The following CFAP77 variants were observed in gnomAD, a reference collection of about 807,000 sequenced individuals.
CFAP77 encodes cilia- and flagella-associated protein 77.
CFAP77 carries 25 observed loss-of-function variants against 31.1 expected under a neutral mutation model. The observed-to-expected ratio is 0.80, with a 90% confidence interval of 0.59 to 1.12. The LOEUF is 1.12. Ranked by LOEUF, CFAP77 falls within the 50% of genes most tolerant of loss-of-function variation. CFAP77 has a pLI of 0.00. For missense variants in CFAP77, 377 were observed against 397.3 expected (o/e 0.95, Z 0.44); for synonymous variants, 151 against 159.9 (o/e 0.94, Z 0.42).
chr9:132,470,203 C>T (rs555402517), intron 1 of CFAP77, among the ~76,000 whole-genome samples: 9 of 152,266 alleles, frequency 5.9e-5, no homozygotes, highest in East Asian at 1.9e-4. Flanking sequence ...CAATGACAGT[C>T]GCAACAGTCA....
At chr9:132,462,559 C>G (rs954670958) in intron 1 of CFAP77, among the ~76,000 whole-genome samples, 1 of 152,144 alleles carries the variant, frequency 6.6e-6, no homozygotes, top group Non-Finnish European at 1.5e-5. Context: ...ACTGCAAGAA[C>G]ACGTTTGTCT....
At chr9:132,451,526 T>C (rs1850827347) in intron 1 of CFAP77, among the ~76,000 whole-genome samples, 1 of 152,082 alleles carries the variant, frequency 6.6e-6, no homozygotes, top group South Asian at 2.1e-4. Flanking sequence ...TGTGTCTGTG[T>C]GTACAGGAGT....
intron 3 of CFAP77, among the ~76,000 whole-genome samples, chr9:132,516,267 G>A (rs1852144637): frequency 6.6e-6 from 1 of 152,228 alleles, no homozygotes; most frequent in Admixed American, 6.5e-5. Context: ...AAGCATGTCT[G>A]CAGGCCAGAC....
intron 1 of CFAP77, among the ~76,000 whole-genome samples, chr9:132,452,145 T>C (rs1016894581): frequency 6.6e-6 from 1 of 152,154 alleles, no homozygotes; most frequent in Non-Finnish European, 1.5e-5. Context: ...CGCTCCCCCA[T>C]TGCGAGCCCA....
At chr9:132,462,852 T>A (rs1851080969) in intron 1 of CFAP77, among the ~76,000 whole-genome samples, 1 of 152,196 alleles carries the variant, frequency 6.6e-6, no homozygotes, top group Non-Finnish European at 1.5e-5. Context: ...AACACGTTTG[T>A]ATATACATGC....
In CFAP77 at chr9:132,438,517, TG is replaced by T. The variant is rs1453378773; in HGVS notation, c.195+28053del. 3.6e-4 allele frequency among the ~76,000 whole-genome samples: 44 copies of T among 123,110 alleles called. 1 individual carries two copies. Among genetic ancestry groups the T allele is most frequent in the African/African-American group, 1.4e-3 (41 of 30,204 alleles). The allele number at this position is 123,110 out of a possible 152,430, so 80.8% of individuals were successfully genotyped here. A position where few individuals can be genotyped will look rare whatever the true frequency, so the allele number is the denominator to read the frequency against. ...TCTCCTTTATTTGGGGGAACAGATATGGTATATATATATATATATATATATT... is the reference window on the plus strand; with the variant it reads ...TCTCCTTTATTTGGGGGAACAGATATGTATATATATATATATATATATATT... On this transcript the variant is annotated intron_variant, in intron 1 of 5. Coordinates refer to ENST00000393216, the MANE Select transcript of CFAP77 (RefSeq NM_001282957.2).
chr9:132,496,206 T>TAA (rs61589827), intron 1 of CFAP77, among the ~76,000 whole-genome samples: 9,982 of 152,024 alleles, frequency 0.066, 417 homozygotes, highest in African/African-American at 0.11. Flanking sequence ...TCTATTTTTT[T>TAA]AAAAAAAACC....
At chr9:132,520,374 A>C (rs1852246188) in intron 3 of CFAP77, among the ~76,000 whole-genome samples, 1 of 152,186 alleles carries the variant, frequency 6.6e-6, no homozygotes, top group African/African-American at 2.4e-5. Flanking sequence ...GGCCAGGCAC[A>C]GCAGCTCACA....
At chr9:132,500,057 CG>C (rs1851816637) in intron 3 of CFAP77, among the ~76,000 whole-genome samples, 1 of 150,704 alleles carries the variant, frequency 6.6e-6, no homozygotes, top group South Asian at 2.1e-4. Flanking sequence ...AGGGCTGAGG[CG>C]GGAGGATTGC....
Position 132,501,658 on chromosome 9 carries a change from C to T in CFAP77, c.524+2058C>T, listed in dbSNP as rs488187. On this transcript the variant is annotated intron_variant, in intron 3 of 5. Transcript: ENST00000393216. The surrounding 1 kb of genome is among the most constrained non-coding windows in gnomAD (Gnocchi z 4.6). ...CCTCAGGTGATCCACCCGCCTTGGC[C>T]TCCCAAAGTGCTAGGATGACAGGTG... Among the ~76,000 whole-genome samples the T allele has an allele frequency of 0.11, 16,960 of 152,236 alleles. 1,138 individuals are homozygous for T. Among genetic ancestry groups the T allele is most frequent in the African/African-American group, 0.18 (7,634 of 41,530 alleles).
At chr9:132,482,604 A>G (rs1264768554) in intron 1 of CFAP77, among the ~76,000 whole-genome samples, 1 of 151,982 alleles carries the variant, frequency 6.6e-6, no homozygotes, top group African/African-American at 2.4e-5. Context: ...AGTGATGGGA[A>G]ACTGAGACTC....
In CFAP77 at chr9:132,524,854, T is replaced by A. The variant is rs111867933; in HGVS notation, c.525-12747T>A. Among the ~76,000 whole-genome samples the A allele has an allele frequency of 3.4e-5, 5 of 147,832 alleles. 1 individual carries two copies. The highest frequency in any genetic ancestry group is 1.2e-4 in the African/African-American group (5 of 40,754). ...TAGTAGAGACGGGGTTTCACAGTGT[T>A]AGCTACGATGGTCTCGATCTCCTGA... On this transcript the variant is annotated intron_variant, in intron 3 of 5. Transcript: ENST00000393216.
chr9:132,458,719 C>T lies in CFAP77; in HGVS notation c.196-39976C>T, dbSNP rs141170252. Among the ~76,000 whole-genome samples the T allele has an allele frequency of 1.8e-3, 208 of 113,826 alleles. 4 individuals carry two copies. In the East Asian group the frequency reaches 0.053, roughly 29 times the overall value. 74.7% of individuals were successfully genotyped at this position (113,826 alleles called of 152,430 possible). On this transcript the variant is annotated intron_variant, in intron 1 of 5. Transcript: ENST00000393216. ...ATTTAAATCTAAATAGCACTTGCGGCTGGCAGGTGTCGTGTTAGGCGGCAC... is the reference window on the plus strand; with the variant it reads ...ATTTAAATCTAAATAGCACTTGCGGTTGGCAGGTGTCGTGTTAGGCGGCAC...
At chr9:132,516,843 C>T (rs999680480) in intron 3 of CFAP77, among the ~76,000 whole-genome samples, 3 of 152,046 alleles carry the variant, frequency 2.0e-5, no homozygotes, top group Non-Finnish European at 2.9e-5. Flanking sequence ...GCTTTGGTAC[C>T]CACGGGCAAT....
chr9:132,432,125 C>T (rs1413650782), intron 1 of CFAP77, among the ~76,000 whole-genome samples: 3 of 152,164 alleles, frequency 2.0e-5, no homozygotes, highest in Admixed American at 2.0e-4. Flanking sequence ...ACAGATGTCT[C>T]GCTGGAAACA....
rs943203679 is a variant in CFAP77, at chr9:132,424,477, G to A, written c.195+14011G>A. On this transcript the variant is annotated intron_variant, in intron 1 of 5. Coordinates refer to ENST00000393216, the MANE Select transcript of CFAP77 (RefSeq NM_001282957.2). The surrounding 1 kb of genome is among the most constrained non-coding windows in gnomAD (Gnocchi z 4.1). Reference sequence around the variant, plus strand: ...GTCCAGAAAGACCTGTGGAATTGCTGGAGGGCTGAGAAGAGGAGGGACAGG... The same window carrying A: ...GTCCAGAAAGACCTGTGGAATTGCTAGAGGGCTGAGAAGAGGAGGGACAGG... Among the ~76,000 whole-genome samples, 1 of 152,204 alleles carries A rather than the reference G, an allele frequency of 6.6e-6. No homozygotes were observed. The highest frequency in any genetic ancestry group is 2.1e-4 in the South Asian group (1 of 4,832).
At chr9:132,522,694 T>C (rs1252638953) in intron 3 of CFAP77, among the ~76,000 whole-genome samples, 1 of 152,220 alleles carries the variant, frequency 6.6e-6, no homozygotes, top group Non-Finnish European at 1.5e-5. Flanking sequence ...AGGGAAATGC[T>C]AGATGTCCCC....
intron 3 of CFAP77, among the ~76,000 whole-genome samples, chr9:132,513,836 C>T (rs940745578): frequency 8.5e-5 from 13 of 152,314 alleles, no homozygotes; most frequent in African/African-American, 2.9e-4. Flanking sequence ...ATTGTCCTTC[C>T]GGGTGCTGGC....
chr9:132,490,609 C>T lies in CFAP77; in HGVS notation c.196-8086C>T, dbSNP rs755125796. ...GGGCACTCCCACCTCTGGCTCCAGGCCGCTCCCTGCTCTAAGTCCCCTTGG... is the reference window on the plus strand; with the variant it reads ...GGGCACTCCCACCTCTGGCTCCAGGTCGCTCCCTGCTCTAAGTCCCCTTGG... On this transcript the variant is annotated intron_variant, in intron 1 of 5. Coordinates refer to ENST00000393216, the MANE Select transcript of CFAP77 (RefSeq NM_001282957.2). The surrounding 1 kb of genome is among the most constrained non-coding windows in gnomAD (Gnocchi z 4.6). Among the ~76,000 whole-genome samples the T allele has an allele frequency of 6.6e-6, 1 of 152,204 alleles. No individual in the cohort carries two copies. The highest frequency in any genetic ancestry group is 1.5e-5 in the Non-Finnish European group (1 of 68,030).
Sources: gnomAD v4.1 joint callset for allele counts (sites outside exome capture counted in the v4.1 genomes callset) on GRCh38, gnomAD v4.1.1 for gene constraint, Gnocchi (gnomAD v3.1) non-coding constraint, MANE v1.5 for transcripts, NCBI Gene and HGNC (gene_info 2026-07-23, HGNC 2026-07-21) for gene names.